Variants in CEACAM8 observed in about 807,000 individuals in gnomAD.
CEACAM8 encodes CEA cell adhesion molecule 8, also known as cell adhesion molecule CEACAM8.
A neutral mutation model predicts 33.4 loss-of-function variants in CEACAM8; 31 were observed. That is an observed-to-expected ratio of 0.93 (90% CI 0.70 to 1.25). The LOEUF (loss-of-function observed/expected upper bound fraction) is 1.25, where lower values mean the gene tolerates loss of function less well. CEACAM8 is among the 50% of genes most tolerant of loss of function. CEACAM8 has a pLI of 0.00. For synonymous variants in CEACAM8, 138 were observed against 164.5 expected (o/e 0.84, Z 1.23); for missense variants, 388 against 434.6 (o/e 0.89, Z 0.95).
intron 5 of CEACAM8, among the ~76,000 whole-genome samples, chr19:42,581,944 T>TATATATATATATAA (rs2042267891): frequency 3.0e-5 from 3 of 101,068 alleles, no homozygotes; most frequent in African/African-American, 1.2e-4. Context: ...TATATATATA[T>TATATATATATATAA]ATAAAATAAG....
chr19:42,587,157 G>A (rs1290247186), intron 4 of CEACAM8, among the ~76,000 whole-genome samples: 4 of 152,212 alleles, frequency 2.6e-5, no homozygotes, highest in Non-Finnish European at 4.4e-5. Flanking sequence ...AGTGTGAAAT[G>A]TTATAGCCAC....
chr19:42,585,177 A>C lies in CEACAM8; in HGVS notation c.959-1840T>G, dbSNP rs150791098. Among the ~76,000 whole-genome samples, 1,269 of 152,224 alleles carry C rather than the reference A, an allele frequency of 8.3e-3. 4 individuals are homozygous for C. Among genetic ancestry groups the C allele is most frequent in the Middle Eastern group, 0.034 (10 of 292 alleles). ...GCTGGGCATGATGGTATGCACCTGT[A>C]GTTTCAGCTACCTGGGAAGCTGAGT... On this transcript the variant is annotated intron_variant, in intron 4 of 5. Transcript: ENST00000244336.
Position 42,589,017 on chromosome 19 carries a change from AT to A in CEACAM8, c.724del (p.Ile242PhefsTer12). ...NVLYGPDAPTISPSDTYYHAG... is the reference protein window; with the variant it reads ...NVLYGPDAPTXSPSDTYYHAG... Reference sequence around the variant, plus strand: ...ATGGTAATAGGTGTCTGAAGGGGAAATGGTGGGGGCATCTGGGCCATCTAGA... The same window carrying A: ...ATGGTAATAGGTGTCTGAAGGGGAAAGGTGGGGGCATCTGGGCCATCTAGA... On this transcript the variant is annotated frameshift_variant, in exon 4 of 6. Coordinates refer to ENST00000244336, the MANE Select transcript of CEACAM8 (RefSeq NM_001816.4). LOFTEE classifies it high-confidence loss of function. 6.2e-7 allele frequency: 1 copy of A among 1,613,756 alleles called. No homozygotes were observed. The highest frequency in any genetic ancestry group is 8.5e-7 in the Non-Finnish European group (1 of 1,179,678).
Position 42,593,656 on chromosome 19 carries a change from G to C in CEACAM8, c.309C>G (p.Pro103=). 1 of 1,614,040 alleles carries C rather than the reference G, an allele frequency of 6.2e-7. No homozygotes were observed. The highest frequency in any genetic ancestry group is 8.5e-7 in the Non-Finnish European group (1 of 1,179,934). ...CGTTCCGCATCAGCAGGGATGCATT[G>C]GGGTATATTGTCTCTCGATTGCTGT... is the stretch of plus-strand genomic sequence containing the variant. ...PAYSNRETIY[P]NASLLMRNVT... Residue 103 remains proline (P), a synonymous_variant, in exon 2 of 6, where the codon CCC becomes CCG. Coordinates refer to ENST00000244336, the MANE Select transcript of CEACAM8 (RefSeq NM_001816.4).
intron 2 of CEACAM8, among the ~76,000 whole-genome samples, chr19:42,593,282 C>G (rs10416108): frequency 0.088 from 13,374 of 152,224 alleles, 1,973 homozygotes; most frequent in African/African-American, 0.3. Context: ...GGGTGCCTGG[C>G]TGAGTCTGAT....
At position 42,589,611 on chromosome 19, in the gene CEACAM8, C is replaced by G; in HGVS notation, c.549G>C (p.Gln183His). 1 of 1,614,228 alleles carries G rather than the reference C, an allele frequency of 6.2e-7. No homozygotes were observed. The highest frequency in any genetic ancestry group is 8.5e-7 in the Non-Finnish European group (1 of 1,180,048). The part of the protein sequence containing the change: ...NTTYLWWVNG[Q>H]SLPVSPRLQL... ...GCAGCCTGGGACTGACCGGGAGACT[C>G]TGACCATTTACCCACCACAGGTAGG... The change falls in exon 3 of 6, where the codon CAG (glutamine) becomes CAC (histidine). Residue 183 changes from glutamine to histidine, a missense_variant. Physicochemically the swap from Gln to His is conservative, Grantham distance 24. Transcript: ENST00000244336.
At chr19:42,591,676 A>G (rs549193754) in intron 2 of CEACAM8, among the ~76,000 whole-genome samples, 1 of 152,264 alleles carries the variant, frequency 6.6e-6, no homozygotes, top group East Asian at 1.9e-4. Context: ...GCGTCTCCCC[A>G]CCTGAAGGAC....
intron 4 of CEACAM8, among the ~76,000 whole-genome samples, chr19:42,587,643 G>A (rs961740334): frequency 2.6e-5 from 4 of 152,150 alleles, no homozygotes; most frequent in African/African-American, 9.7e-5. Context: ...ATTTAATATG[G>A]TAAGATGAAA....
Position 42,594,042 on chromosome 19 carries a change from C to T in CEACAM8, c.65-142G>A, listed in dbSNP as rs45600939. 2.6e-3 allele frequency: 2,280 copies of T among 870,228 alleles called. 43 individuals are homozygous for T. In the African/African-American group the frequency reaches 0.033, roughly 13 times the overall value. The allele number at this position is 870,228 out of a possible 1,614,324, so 53.9% of individuals were successfully genotyped here. A position where few individuals can be genotyped will look rare whatever the true frequency, so the allele number is the denominator to read the frequency against. ...CTGAGTCAATGTCAGCAGCACAGCC[C>T]CCATTTCTTCAACACCTCTGACCTT... is the stretch of plus-strand genomic sequence containing the variant. On this transcript the variant is annotated intron_variant, in intron 1 of 5. Transcript: ENST00000244336.
chr19:42,581,634 G>A lies in CEACAM8; in HGVS notation c.*41-281C>T, dbSNP rs367682592. Reference sequence around the variant, plus strand: ...AGGCTGGGCGTGGTGGCTTATGCCTGTAATCCCAGCACTTTGGGAGGCCGA... The same window carrying A: ...AGGCTGGGCGTGGTGGCTTATGCCTATAATCCCAGCACTTTGGGAGGCCGA... On this transcript the variant is annotated intron_variant, in intron 5 of 5. Coordinates refer to ENST00000244336, the MANE Select transcript of CEACAM8 (RefSeq NM_001816.4). Among the ~76,000 whole-genome samples the A allele has an allele frequency of 2.6e-5, 4 of 151,950 alleles. No homozygotes were observed. In the South Asian group the frequency reaches 8.3e-4, roughly 32 times the overall value.
At chr19:42,590,468 CG>C (rs903830547) in intron 2 of CEACAM8, among the ~76,000 whole-genome samples, 1 of 152,042 alleles carries the variant, frequency 6.6e-6, no homozygotes, top group Non-Finnish European at 1.5e-5. Context: ...TCTTTCCCTG[CG>C]GGGGGCAGAT....
At chr19:42,586,648 GA>G (rs752238470) in intron 4 of CEACAM8, among the ~76,000 whole-genome samples, 1 of 151,920 alleles carries the variant, frequency 6.6e-6, no homozygotes, top group South Asian at 2.1e-4. Context: ...AAAACACAGG[GA>G]AAAAAACTCC....
At chr19:42,586,620 C>T (rs1461909683) in intron 4 of CEACAM8, among the ~76,000 whole-genome samples, 1 of 152,032 alleles carries the variant, frequency 6.6e-6, no homozygotes, top group Admixed American at 6.6e-5. Flanking sequence ...AGAGTAAAAA[C>T]TATAAAACTC....
chr19:42,586,737 G>A (rs931736928), intron 4 of CEACAM8, among the ~76,000 whole-genome samples: 1 of 152,150 alleles, frequency 6.6e-6, no homozygotes, highest in African/African-American at 2.4e-5. Context: ...GGGTAAGTTG[G>A]ACTTCATGAA....
intron 4 of CEACAM8, among the ~76,000 whole-genome samples, chr19:42,587,738 C>T (rs2042360200): frequency 6.6e-6 from 1 of 152,178 alleles, no homozygotes; most frequent in Admixed American, 6.5e-5. Flanking sequence ...GGAGTGGTGG[C>T]TCATGCCTGT....
At chr19:42,583,538 C>T (rs113339180) in intron 4 of CEACAM8, among the ~76,000 whole-genome samples, 6 of 152,298 alleles carry the variant, frequency 3.9e-5, no homozygotes, top group African/African-American at 1.2e-4. Context: ...TCTAGGTTGA[C>T]GATCAGTCTT....
intron 4 of CEACAM8, among the ~76,000 whole-genome samples, chr19:42,586,619 A>T (rs2042341537): frequency 6.6e-6 from 1 of 152,180 alleles, no homozygotes. Flanking sequence ...AAGAGTAAAA[A>T]CTATAAAACT....
Position 42,593,548 on chromosome 19 carries a change from G to C in CEACAM8, c.417C>G (p.Ser139Arg). The change falls in exon 2 of 6, where the codon AGC becomes AGG. Residue 139 changes from serine to arginine, a missense_variant. Physicochemically the swap from Ser to Arg is moderately radical, Grantham distance 110. Transcript: ENST00000244336. The part of the protein sequence containing the change: ...LMSEEVTGQF[S>R]VHPETPKPSI... ...TCATGGGGAATCACTCACGATGTACGCTGAACTGGCCAGTTACTTCTTCAC... is the reference window on the plus strand; with the variant it reads ...TCATGGGGAATCACTCACGATGTACCCTGAACTGGCCAGTTACTTCTTCAC... 1 of 1,566,860 alleles carries C rather than the reference G, an allele frequency of 6.4e-7. No individual in the cohort carries two copies. Among genetic ancestry groups the C allele is most frequent in the South Asian group, 1.2e-5 (1 of 82,116 alleles).
chr19:42,583,047 G>C (rs927256545), intron 5 of CEACAM8, 159 bp downstream of exon 5: 16 of 582,196 alleles, frequency 2.7e-5, no homozygotes, highest in South Asian at 4.7e-5. Flanking sequence ...GGGGTACAGG[G>C]AGCATGCAGA....
Sources: gnomAD v4.1 joint callset for allele counts (sites outside exome capture counted in the v4.1 genomes callset) on GRCh38, gnomAD v4.1.1 for gene constraint, MANE v1.5 for transcripts, NCBI Gene and HGNC (gene_info 2026-07-23, HGNC 2026-07-21) for gene names.